The following TBPL1 variants were observed in gnomAD, a reference collection of about 807,000 sequenced individuals.
The protein encoded by TBPL1 is TATA-box binding protein like 1, also known as TATA box-binding protein-like 1.
In TBPL1, 4 loss-of-function variants were observed where a neutral mutation model predicts 22.1. That is an observed-to-expected ratio of 0.18 (90% confidence interval 0.09 to 0.41). The LOEUF (loss-of-function observed/expected upper bound fraction) is 0.41. Ranked by LOEUF, TBPL1 falls within the 10% of genes least tolerant of loss-of-function variation. The pLI is 1.00. For synonymous variants in TBPL1, 64 were observed against 71.0 expected, an observed-to-expected ratio of 0.90 and a Z score of 0.50; for missense variants, 115 against 222.3, an observed-to-expected ratio of 0.52 and a Z score of 3.07.
intron 1 of TBPL1, among the ~76,000 whole-genome samples, chr6:133,966,810 A>G (rs78872531): frequency 0.039 from 3,367 of 87,268 alleles, 58 homozygotes; most frequent in South Asian, 0.095. Context: ...ACTACTTTGC[A>G]TTTTCAAACC....
chr6:133,981,737 C>T (rs72982294), intron 2 of TBPL1, among the ~76,000 whole-genome samples: 11 of 152,288 alleles, frequency 7.2e-5, no homozygotes, highest in Non-Finnish European at 1.2e-4. Flanking sequence ...GCAGAAACAT[C>T]TGATTCATTT....
intron 2 of TBPL1, among the ~76,000 whole-genome samples, chr6:133,982,279 T>C (rs1776428269): frequency 6.6e-6 from 1 of 152,062 alleles, no homozygotes; most frequent in Non-Finnish European, 1.5e-5. Flanking sequence ...ATGACTGGGG[T>C]GGAATGAGAG....
At chr6:133,965,620 T>G (rs1258858063) in intron 1 of TBPL1, among the ~76,000 whole-genome samples, 1 of 151,994 alleles carries the variant, frequency 6.6e-6, no homozygotes, top group Non-Finnish European at 1.5e-5. Flanking sequence ...GGTTTTTTTT[T>G]TTAATTCACT....
chr6:133,986,989 T>C lies in TBPL1; in HGVS notation c.510T>C (p.Ala170=), dbSNP rs1461486706. 1 of 1,610,614 alleles carries C rather than the reference T, an allele frequency of 6.2e-7. No individual in the cohort carries two copies. The highest frequency in any genetic ancestry group is 2.2e-5 in the East Asian group (1 of 44,680). ...CCAATGTAAAGGCTGTTGCTACTGC[T>C]GTGGAACAGATTTACCCATTTGTGT... ...TGPNVKAVAT[A]VEQIYPFVFE... is the part of the protein sequence containing the mutation. The change falls in exon 7 of 7, where the codon GCT becomes GCC. Residue 170 remains alanine (A), a synonymous_variant. Coordinates refer to ENST00000237264, the MANE Select transcript of TBPL1 (RefSeq NM_004865.4).
intron 1 of TBPL1, among the ~76,000 whole-genome samples, chr6:133,971,455 G>T (rs933124172): frequency 1.3e-5 from 2 of 152,170 alleles, no homozygotes; most frequent in Admixed American, 6.5e-5. Context: ...GGATCATGTG[G>T]TAGTTCTATT....
chr6:133,970,841 G>T (rs539321481), intron 1 of TBPL1, among the ~76,000 whole-genome samples: 1 of 152,016 alleles, frequency 6.6e-6, no homozygotes, highest in Non-Finnish European at 1.5e-5. Flanking sequence ...ATTGACACAT[G>T]ATTGTACATA....
upstream of TBPL1, chr6:133,952,350 T>C: frequency 6.6e-6 from 1 of 152,330 alleles, no homozygotes; most frequent in East Asian, 1.9e-4. The surrounding 1 kb of genome is among the most constrained non-coding windows in gnomAD (Gnocchi z 4.5). Flanking sequence ...TTCCTAGAGG[T>C]CCTCCTATCC....
Position 133,987,094 on chromosome 6 carries a change from A to G in TBPL1, c.*54A>G. ...ACTGAGCACCTTTTAAACCTGCTGC[A>G]CATTGGACTCAAAAGGAAAACTGGA... On this transcript the variant is annotated 3_prime_UTR_variant, in exon 7 of 7. Transcript: ENST00000237264. 7.7e-7 allele frequency: 1 copy of G among 1,302,040 alleles called. No homozygotes were observed. Among genetic ancestry groups the G allele is most frequent in the South Asian group, 1.3e-5 (1 of 77,378 alleles). 80.7% of individuals were successfully genotyped at this position (1,302,040 alleles called of 1,614,324 possible). A position where few individuals can be genotyped will look rare whatever the true frequency, so the allele number is the denominator to read the frequency against.
At chr6:133,960,602 A>G (rs1776004937) in intron 1 of TBPL1, among the ~76,000 whole-genome samples, 1 of 152,164 alleles carries the variant, frequency 6.6e-6, no homozygotes, top group Admixed American at 6.5e-5. Context: ...TGGCCTATTA[A>G]AATTAGAAGA....
chr6:133,969,082 T>C (rs1389024378), intron 1 of TBPL1: 1 of 152,186 alleles, frequency 6.6e-6, no homozygotes, highest in East Asian at 1.9e-4. Context: ...TATCTTCTTA[T>C]ATTGCAAAAT....
At chr6:133,972,128 C>T (rs927656900) in intron 1 of TBPL1, among the ~76,000 whole-genome samples, 8 of 152,168 alleles carry the variant, frequency 5.3e-5, no homozygotes, top group Admixed American at 2.6e-4. Context: ...GTATTTGTTA[C>T]TGAGTTCAAA....
intron 1 of TBPL1, among the ~76,000 whole-genome samples, chr6:133,973,607 TGTA>T (rs1776261775): frequency 6.6e-6 from 1 of 152,158 alleles, no homozygotes; most frequent in African/African-American, 2.4e-5. Context: ...TTCAATTCAT[TGTA>T]GTTGCTGGAG....
chr6:133,989,824 TA>T lies in TBPL1; in HGVS notation c.*2789del, dbSNP rs1183070112. 1 of 152,190 alleles carries T rather than the reference TA, an allele frequency of 6.6e-6. No homozygotes were observed. Among genetic ancestry groups the T allele is most frequent in the Non-Finnish European group, 1.5e-5 (1 of 68,010 alleles). The allele number at this position is 152,190 out of a possible 1,614,324, so 9.4% of individuals were successfully genotyped here. On this transcript the variant is annotated 3_prime_UTR_variant, in exon 7 of 7. Coordinates refer to ENST00000237264, the MANE Select transcript of TBPL1 (RefSeq NM_004865.4). Reference sequence around the variant, plus strand: ...ACCAATAGGAAAATTCCAAGCTAAATAAAAAGGAGCTTTGGCTCTTAGGATT... The same window carrying T: ...ACCAATAGGAAAATTCCAAGCTAAATAAAAGGAGCTTTGGCTCTTAGGATT...
At chr6:133,961,017 C>T (rs1176075967) in intron 1 of TBPL1, among the ~76,000 whole-genome samples, 1 of 152,186 alleles carries the variant, frequency 6.6e-6, no homozygotes, top group African/African-American at 2.4e-5. Flanking sequence ...TGACCTAAAA[C>T]CATTAGTAAC....
rs1011442081 is a variant in TBPL1 at position 133,989,075 on chromosome 6, G to A, written c.*2035G>A. On this transcript the variant is annotated 3_prime_UTR_variant, in exon 7 of 7. Coordinates refer to ENST00000237264, the MANE Select transcript of TBPL1 (RefSeq NM_004865.4). ...GACAGTGTGACCAGGTTTGTTTTCA[G>A]GGCTGCCGAATGAGCCTCACCTAAC... 19 of 152,292 alleles carry A rather than the reference G, an allele frequency of 1.2e-4. No individual in the cohort carries two copies. Among genetic ancestry groups the A allele is most frequent in the Non-Finnish European group, 1.2e-4 (8 of 68,024 alleles). The allele number at this position is 152,292 out of a possible 1,614,324, so 9.4% of individuals were successfully genotyped here.
At chr6:133,964,919 G>A (rs924813245) in intron 1 of TBPL1, among the ~76,000 whole-genome samples, 9 of 152,054 alleles carry the variant, frequency 5.9e-5, no homozygotes, top group South Asian at 2.1e-4. Flanking sequence ...AGTTTCACCC[G>A]TTGTATTTTC....
At chr6:133,986,813 T>A in intron 6 of TBPL1, 148 bp from the exon 7 acceptor site, 5 of 516,624 alleles carry the variant, frequency 9.7e-6, no homozygotes, top group Non-Finnish European at 1.4e-5. Flanking sequence ...TATGGCTATG[T>A]GTATAATTAT....
At chr6:133,961,674 C>A (rs552151860) in intron 1 of TBPL1, among the ~76,000 whole-genome samples, 1 of 151,932 alleles carries the variant, frequency 6.6e-6, no homozygotes, top group Non-Finnish European at 1.5e-5. Flanking sequence ...CCATGTTAAT[C>A]GGGCTGGTCT....
intron 1 of TBPL1, among the ~76,000 whole-genome samples, chr6:133,968,676 T>C (rs1431363149): frequency 6.6e-6 from 1 of 152,124 alleles, no homozygotes; most frequent in Non-Finnish European, 1.5e-5. Flanking sequence ...GTTTTTTGTT[T>C]TGTTTTGTTT....
Sources: allele counts gnomAD v4.1 joint callset (sites outside exome capture counted in the v4.1 genomes callset), GRCh38; gene constraint gnomAD v4.1.1; non-coding constraint Gnocchi (gnomAD v3.1); transcripts MANE v1.5; gene names NCBI Gene and HGNC (gene_info 2026-07-23, HGNC 2026-07-21).